The following FER variants were observed in gnomAD, a reference collection of about 807,000 sequenced individuals.
The protein encoded by FER is tyrosine-protein kinase Fer.
A neutral mutation model predicts 111.0 loss-of-function variants in FER; 63 were observed. The observed-to-expected ratio is 0.57, with a 90% CI of 0.46 to 0.70. The LOEUF is 0.70. Ranked by LOEUF, FER falls within the 30% of genes least tolerant of loss-of-function variation. The pLI, the probability that FER is intolerant of heterozygous loss-of-function variation, is 0.00. For missense variants in FER, 914 were observed against 954.0 expected (o/e 0.96, Z 0.55); for synonymous variants, 327 against 313.9 (o/e 1.04, Z -0.44).
rs1040087377 is a variant in FER at position 109,196,784 on chromosome 5, GT to G, written c.*9210del. The G allele has an allele frequency of 6.6e-6, 1 of 152,030 alleles. No homozygotes were observed. Among genetic ancestry groups the G allele is most frequent in the Non-Finnish European group, 1.5e-5 (1 of 68,012 alleles). The allele number at this position is 152,030 out of a possible 1,614,324, so 9.4% of individuals were successfully genotyped here. A position where few individuals can be genotyped will look rare whatever the true frequency, so the allele number is the denominator to read the frequency against. ...TTCCAATAGACCAGTTACCACTCAT[GT>G]GTCTGCAGAACCTCTTTATTGTATT... On this transcript the variant is annotated 3_prime_UTR_variant, in exon 20 of 20. Transcript: ENST00000281092.
At chr5:109,148,017 A>T (rs1754428838) in intron 17 of FER, among the ~76,000 whole-genome samples, 1 of 151,926 alleles carries the variant, frequency 6.6e-6, no homozygotes, top group Non-Finnish European at 1.5e-5. Flanking sequence ...TCAATGAAGT[A>T]TTTGTTTAAT....
intron 17 of FER, among the ~76,000 whole-genome samples, chr5:109,131,375 C>T (rs1752341588): frequency 6.6e-6 from 1 of 152,076 alleles, no homozygotes; most frequent in African/African-American, 2.4e-5. Flanking sequence ...TTGAGTTCTT[C>T]CCTGTCAATC....
chr5:108,786,796 G>T (rs568104821), intron 2 of FER, among the ~76,000 whole-genome samples: 8 of 152,174 alleles, frequency 5.3e-5, no homozygotes, highest in Non-Finnish European at 8.8e-5. Context: ...CACCGTGCCC[G>T]GCCAAATTTT....
At chr5:109,175,271 C>T (rs1373692187) in intron 17 of FER, among the ~76,000 whole-genome samples, 1 of 152,198 alleles carries the variant, frequency 6.6e-6, no homozygotes, top group African/African-American at 2.4e-5. Flanking sequence ...ACACTGACTA[C>T]TTTCTGTTTA....
chr5:108,777,278 AT>A (rs904591890), intron 2 of FER, among the ~76,000 whole-genome samples: 9 of 152,168 alleles, frequency 5.9e-5, no homozygotes, highest in Non-Finnish European at 8.8e-5. Context: ...ATGTAATAGA[AT>A]TTTTTTAGAG....
chr5:108,961,305 G>A (rs531619744), intron 13 of FER, among the ~76,000 whole-genome samples: 1 of 152,132 alleles, frequency 6.6e-6, no homozygotes, highest in African/African-American at 2.4e-5. Flanking sequence ...TAAATTGGGA[G>A]ACCAAATCTA....
intron 18 of FER, among the ~76,000 whole-genome samples, chr5:109,184,389 A>AAAAGT (rs945050479): frequency 6.6e-6 from 1 of 152,088 alleles, no homozygotes; most frequent in African/African-American, 2.4e-5. Context: ...TGAGACATAG[A>AAAAGT]AAAGTAGCCA....
chr5:109,108,294 T>C (rs1352658978), intron 17 of FER, among the ~76,000 whole-genome samples: 1 of 152,188 alleles, frequency 6.6e-6, no homozygotes, highest in Admixed American at 6.5e-5. Context: ...TATTCTGAGC[T>C]GATGATAAAA....
chr5:109,008,295 C>T (rs932451619), intron 13 of FER, among the ~76,000 whole-genome samples: 1 of 152,076 alleles, frequency 6.6e-6, no homozygotes, highest in Non-Finnish European at 1.5e-5. Flanking sequence ...TACCATGTTC[C>T]TAATAGTTCT....
chr5:108,820,505 A>G, intron 3 of FER: 1 of 985,436 alleles, frequency 1.0e-6, no homozygotes, highest in Non-Finnish European at 1.2e-6. Context: ...AGAAGCTGGA[A>G]AAGTATTGGG....
At chr5:108,951,442 T>C (rs1422004904) in intron 11 of FER, among the ~76,000 whole-genome samples, 1 of 152,122 alleles carries the variant, frequency 6.6e-6, no homozygotes, top group Admixed American at 6.6e-5. Flanking sequence ...TTAGCCATGC[T>C]ACCAGTTGAG....
At chr5:108,935,091 T>G (rs1012971378) in intron 10 of FER, among the ~76,000 whole-genome samples, 2 of 152,116 alleles carry the variant, frequency 1.3e-5, no homozygotes, top group East Asian at 3.8e-4. Flanking sequence ...AAGGTAAATA[T>G]GCAGTGATTC....
chr5:108,930,245 C>G (rs1400854130), intron 10 of FER, among the ~76,000 whole-genome samples: 1 of 151,018 alleles, frequency 6.6e-6, no homozygotes, highest in Non-Finnish European at 1.5e-5. Context: ...CTCCTGGCTT[C>G]AAGCAGTCTT....
chr5:108,818,660 G>C (rs979069889), intron 3 of FER, among the ~76,000 whole-genome samples: 1 of 152,130 alleles, frequency 6.6e-6, no homozygotes, highest in Admixed American at 6.6e-5. Flanking sequence ...TATCCAGTGA[G>C]ATATTGGGGC....
chr5:109,180,731 T>TCTTACTGTAA lies in FER; in HGVS notation c.2049-14_2049-5dup. 6.3e-7 allele frequency: 1 copy of TCTTACTGTAA among 1,592,946 alleles called. No homozygotes were observed. On this transcript the variant is annotated splice_polypyrimidine_tract_variant and intron_variant, in intron 17 of 19. Coordinates refer to ENST00000281092, the MANE Select transcript of FER (RefSeq NM_005246.4). ...TTTGTTTTAATAGGCGTTTTCTGTG[T>TCTTACTGTAA]CTTACTGTAACCTAGGGACCTTGCT...
At chr5:108,809,248 C>G (rs985993758) in intron 3 of FER, among the ~76,000 whole-genome samples, 3 of 152,102 alleles carry the variant, frequency 2.0e-5, no homozygotes, top group African/African-American at 7.2e-5. Flanking sequence ...GGTTTCGTTG[C>G]TTTACCTAAT....
rs1764199883 is a variant in FER, at chr5:108,867,641, A to G, written c.482-126A>G. ...GCTAAGCACATATTATGTGTTCAAT[A>G]AAATTTTTTTGTTTAAAAAATGCGT... On this transcript the variant is annotated intron_variant, in intron 5 of 19. Transcript: ENST00000281092. The G allele has an allele frequency of 1.0e-5, 9 of 899,006 alleles. No individual in the cohort carries two copies. The East Asian group carries it at 2.4e-4, about 24-fold the overall frequency. 55.7% of individuals were successfully genotyped at this position (899,006 alleles called of 1,614,324 possible). A position where few individuals can be genotyped will look rare whatever the true frequency, so the allele number is the denominator to read the frequency against.
intron 13 of FER, among the ~76,000 whole-genome samples, chr5:109,023,195 A>G (rs771941319): frequency 8.6e-5 from 13 of 151,874 alleles, no homozygotes; most frequent in Non-Finnish European, 1.6e-4. Context: ...TAGACCTAAC[A>G]TTTTCCCTGA....
intron 16 of FER, among the ~76,000 whole-genome samples, chr5:109,061,840 C>T (rs1451634836): frequency 1.3e-5 from 2 of 152,086 alleles, no homozygotes; most frequent in Non-Finnish European, 2.9e-5. Flanking sequence ...ATGTATTATG[C>T]AGAGATTTAA....
Sources: allele counts gnomAD v4.1 joint callset (sites outside exome capture counted in the v4.1 genomes callset), GRCh38; gene constraint gnomAD v4.1.1; transcripts MANE v1.5; gene names NCBI Gene and HGNC (gene_info 2026-07-23, HGNC 2026-07-21).